GLP1R: variants seen among roughly 807,000 people sequenced by gnomAD.
GLP1R encodes the protein glucagon-like peptide 1 receptor.
A neutral mutation model predicts 68.4 loss-of-function variants in GLP1R; 32 were observed. The ratio of observed to expected loss-of-function variants is 0.47; its 90% CI spans 0.35 to 0.63. The LOEUF (loss-of-function observed/expected upper bound fraction) is 0.63. Among genes scored for constraint, GLP1R ranks in the 20% least tolerant of loss-of-function variants. The pLI, the probability that GLP1R is intolerant of heterozygous loss-of-function variation, is 0.00. For missense variants in GLP1R, 502 were observed against 594.9 expected, an observed-to-expected ratio of 0.84 and a Z score of 1.62; for synonymous variants, 263 against 244.4, an observed-to-expected ratio of 1.08 and a Z score of -0.71.
rs1194406789 is a variant in GLP1R, at chr6:39,056,426, G to A, written c.108G>A (p.Val36=). 1.9e-6 allele frequency: 3 copies of A among 1,609,332 alleles called. No homozygotes were observed. The Admixed American group carries it at 5.0e-5, about 27-fold the overall frequency. ...QGATVSLWET[V]QKWREYRRQC... ...CCACTGTGTCCCTCTGGGAGACGGT[G>A]CAGAAATGGCGAGAATACCGACGCC... is the stretch of plus-strand genomic sequence containing the variant. The change falls in exon 2 of 13, where the codon GTG becomes GTA. Residue 36 remains valine, a synonymous_variant. Transcript: ENST00000373256.
In GLP1R at chr6:39,079,433, G is replaced by T; in HGVS notation, c.1044-131G>T. Reference sequence around the variant, plus strand: ...TTTCCCTCCAGGCAGCCTGTCCCAGGGTATTTGGGGTGGGAGAACATCCAT... The same window carrying T: ...TTTCCCTCCAGGCAGCCTGTCCCAGTGTATTTGGGGTGGGAGAACATCCAT... On this transcript the variant is annotated intron_variant, in intron 10 of 12. Coordinates refer to ENST00000373256, the MANE Select transcript of GLP1R (RefSeq NM_002062.5). The surrounding 1 kb of genome is among the most constrained non-coding windows in gnomAD (Gnocchi z 4.5). 1 of 980,570 alleles carries T rather than the reference G, an allele frequency of 1.0e-6. No homozygotes were observed. The highest frequency in any genetic ancestry group is 2.5e-5 in the East Asian group (1 of 39,894). 60.7% of individuals were successfully genotyped at this position (980,570 alleles called of 1,614,324 possible).
intron 3 of GLP1R, among the ~76,000 whole-genome samples, chr6:39,062,141 C>G (rs183005058): frequency 6.6e-6 from 1 of 152,230 alleles, no homozygotes; most frequent in Non-Finnish European, 1.5e-5. Context: ...TTACAGGCGC[C>G]GCAGCAGCTT....
chr6:39,079,340 C>T lies in GLP1R; in HGVS notation c.1043+140C>T, dbSNP rs755882647. ...CCTTCCACCCAGGCCTGGCCTTGGA[C>T]CCCAAACCCTTGCTTTTGCCCTGTC... is the stretch of plus-strand genomic sequence containing the variant. On this transcript the variant is annotated intron_variant, in intron 10 of 12. Transcript: ENST00000373256. The surrounding 1 kb of genome is among the most constrained non-coding windows in gnomAD (Gnocchi z 4.5). 5.5e-5 allele frequency: 45 copies of T among 817,528 alleles called. No homozygotes were observed. Among genetic ancestry groups the T allele is most frequent in the Non-Finnish European group, 6.0e-6 (3 of 503,552 alleles). The allele number at this position is 817,528 out of a possible 1,614,324, so 50.6% of individuals were successfully genotyped here. A position where few individuals can be genotyped will look rare whatever the true frequency, so the allele number is the denominator to read the frequency against.
In GLP1R at chr6:39,086,207, A is replaced by G. The variant is rs763379822; in HGVS notation, c.*134A>G. 6.3e-6 allele frequency: 4 copies of G among 635,518 alleles called. No individual in the cohort carries two copies. Among genetic ancestry groups the G allele is most frequent in the African/African-American group, 3.8e-5 (2 of 52,748 alleles). The allele number at this position is 635,518 out of a possible 1,614,324, so 39.4% of individuals were successfully genotyped here. A position where few individuals can be genotyped will look rare whatever the true frequency, so the allele number is the denominator to read the frequency against. On this transcript the variant is annotated 3_prime_UTR_variant, in exon 13 of 13. Coordinates refer to ENST00000373256, the MANE Select transcript of GLP1R (RefSeq NM_002062.5). This position sits in a 1 kb window ranked among gnomAD's most constrained non-coding sequence, Gnocchi z 4.5. ...CACACACACACACACACACACACAT[A>G]CATCCTGCTTTCCCTCCCCAAACCC...
Position 39,068,311 on chromosome 6 carries a change from G to C in GLP1R, c.509+2008G>C, listed in dbSNP as rs1185243639. ...GTCTCCCCGAAGCCCCACTCGCACAGCTTTGCTGGGTTCAGCTCATGTGGC... is the reference window on the plus strand; with the variant it reads ...GTCTCCCCGAAGCCCCACTCGCACACCTTTGCTGGGTTCAGCTCATGTGGC... On this transcript the variant is annotated intron_variant, in intron 5 of 12. Transcript: ENST00000373256. Among the ~76,000 whole-genome samples the C allele has an allele frequency of 2.6e-5, 4 of 152,180 alleles. No individual in the cohort carries two copies. The East Asian group carries it at 7.7e-4, about 29-fold the overall frequency.
chr6:39,055,982 G>A (rs1768203250), intron 1 of GLP1R, among the ~76,000 whole-genome samples: 1 of 152,156 alleles, frequency 6.6e-6, no homozygotes, highest in Non-Finnish European at 1.5e-5. Context: ...TAGAATGGTT[G>A]AAAGTGCAAG....
intron 3 of GLP1R, among the ~76,000 whole-genome samples, chr6:39,062,633 A>G (rs1300424804): frequency 6.6e-6 from 1 of 152,198 alleles, no homozygotes; most frequent in East Asian, 1.9e-4. Context: ...GAGGAGACTG[A>G]ATGTTGAGAA....
intron 2 of GLP1R, among the ~76,000 whole-genome samples, chr6:39,057,007 G>A (rs1299271342): frequency 6.6e-6 from 1 of 152,216 alleles, no homozygotes; most frequent in Non-Finnish European, 1.5e-5. Flanking sequence ...CGGGATTGGA[G>A]CCCGCTGGGC....
At chr6:39,060,202 G>A (rs571027856) in intron 3 of GLP1R, among the ~76,000 whole-genome samples, 2 of 152,256 alleles carry the variant, frequency 1.3e-5, no homozygotes, top group Non-Finnish European at 2.9e-5. Flanking sequence ...CCAGGTGTGT[G>A]GGAGCAGTTC....
chr6:39,065,171 G>A (rs929036650), intron 3 of GLP1R, among the ~76,000 whole-genome samples: 3 of 152,206 alleles, frequency 2.0e-5, no homozygotes, highest in Non-Finnish European at 2.9e-5. Context: ...TCTCAGATCA[G>A]TGCTCTGTCT....
At position 39,056,447 on chromosome 6, in the gene GLP1R, A is replaced by T; in HGVS notation, c.129A>T (p.Arg43=). The T allele has an allele frequency of 6.2e-7, 1 of 1,610,956 alleles. No homozygotes were observed. Among genetic ancestry groups the T allele is most frequent in the African/African-American group, 1.3e-5 (1 of 74,958 alleles). ...WETVQKWREY[R]RQCQRSLTED... is the part of the protein sequence containing the mutation. ...CGGTGCAGAAATGGCGAGAATACCGACGCCAGTGCCAGCGCTCCCTGACTG... is the reference window on the plus strand; with the variant it reads ...CGGTGCAGAAATGGCGAGAATACCGTCGCCAGTGCCAGCGCTCCCTGACTG... The change falls in exon 2 of 13, where the codon CGA becomes CGT. Residue 43 remains arginine, a synonymous_variant. Transcript: ENST00000373256.
At chr6:39,053,032 G>A (rs558614749) in intron 1 of GLP1R, among the ~76,000 whole-genome samples, 4 of 152,200 alleles carry the variant, frequency 2.6e-5, no homozygotes, top group Admixed American at 1.3e-4. Flanking sequence ...CCCAGGTGTC[G>A]TCTCCACGTG....
chr6:39,072,025 G>T (rs1312615425), intron 5 of GLP1R, among the ~76,000 whole-genome samples: 1 of 152,092 alleles, frequency 6.6e-6, no homozygotes, highest in Non-Finnish European at 1.5e-5. Flanking sequence ...TATTGCAAAA[G>T]AATTATTTCT....
In GLP1R at chr6:39,086,389, G is replaced by C. The variant is rs1769148997; in HGVS notation, c.*316G>C. The stretch of plus-strand genomic sequence containing the variant: ...TTCTTGTGAAACCACAGGCCCTTGG[G>C]GTTCCCCCAGACAGAGCCGCAAATC... On this transcript the variant is annotated 3_prime_UTR_variant, in exon 13 of 13. Transcript: ENST00000373256. This position sits in a 1 kb window ranked among gnomAD's most constrained non-coding sequence, Gnocchi z 4.5. The C allele has an allele frequency of 3.6e-6, 1 of 279,270 alleles. No individual in the cohort carries two copies. The highest frequency in any genetic ancestry group is 4.9e-5 in the Admixed American group (1 of 20,256). 17.3% of individuals were successfully genotyped at this position (279,270 alleles called of 1,614,324 possible).
chr6:39,071,259 T>A (rs1768655150), intron 5 of GLP1R, among the ~76,000 whole-genome samples: 1 of 139,424 alleles, frequency 7.2e-6, no homozygotes, highest in South Asian at 2.2e-4. Flanking sequence ...GGCGGGAGAA[T>A]CACTTGAACC....
chr6:39,086,304 A>G lies in GLP1R; in HGVS notation c.*231A>G, dbSNP rs1210339365. 3 of 474,348 alleles carry G rather than the reference A, an allele frequency of 6.3e-6. No individual in the cohort carries two copies. Among genetic ancestry groups the G allele is most frequent in the Non-Finnish European group, 1.1e-5 (3 of 268,182 alleles). The allele number at this position is 474,348 out of a possible 1,614,324, so 29.4% of individuals were successfully genotyped here. A position where few individuals can be genotyped will look rare whatever the true frequency, so the allele number is the denominator to read the frequency against. ...TTCTCCTAGGAGAAGCAGCCTCCTAATTTGATCACAGTGGCGAGAGGAGAG... is the reference window on the plus strand; with the variant it reads ...TTCTCCTAGGAGAAGCAGCCTCCTAGTTTGATCACAGTGGCGAGAGGAGAG... On this transcript the variant is annotated 3_prime_UTR_variant, in exon 13 of 13. Transcript: ENST00000373256. The surrounding 1 kb of genome is among the most constrained non-coding windows in gnomAD (Gnocchi z 4.5).
At position 39,088,224 on chromosome 6, in the gene GLP1R, T is replaced by C. The variant is rs1017623700; in HGVS notation, c.*2151T>C. 2.6e-5 allele frequency among the ~76,000 whole-genome samples: 4 copies of C among 151,790 alleles called. No homozygotes were observed. Among genetic ancestry groups the C allele is most frequent in the African/African-American group, 9.7e-5 (4 of 41,296 alleles). ...CCCAAGTCTTTTAACACGGAGGAAG[T>C]TTTTCCTTCATGAATACATACAAGA... is the stretch of plus-strand genomic sequence containing the variant. On this transcript the variant is annotated 3_prime_UTR_variant, in exon 13 of 13. Coordinates refer to ENST00000373256, the MANE Select transcript of GLP1R (RefSeq NM_002062.5).
At chr6:39,073,840 G>A (rs1256431184) in intron 7 of GLP1R, 71 bp downstream of exon 7, 6 of 1,420,468 alleles carry the variant, frequency 4.2e-6, no homozygotes, top group Non-Finnish European at 5.9e-6. Flanking sequence ...CTTCTAACAT[G>A]GTACTTGGAA....
chr6:39,067,934 T>C (rs1027774453), intron 5 of GLP1R, among the ~76,000 whole-genome samples: 4 of 152,220 alleles, frequency 2.6e-5, no homozygotes, highest in African/African-American at 9.6e-5. Context: ...AGGACAGACA[T>C]TCCCATTTCA....
Sources: gnomAD v4.1 joint callset for allele counts (sites outside exome capture counted in the v4.1 genomes callset) on GRCh38, gnomAD v4.1.1 for gene constraint, Gnocchi (gnomAD v3.1) non-coding constraint, MANE v1.5 for transcripts, NCBI Gene and HGNC (gene_info 2026-07-23, HGNC 2026-07-21) for gene names.